Variants in PSMD11 observed in about 807,000 individuals in gnomAD.
The protein encoded by PSMD11 is proteasome 26S subunit, non-ATPase 11, also known as 26S proteasome non-ATPase regulatory subunit 11.
PSMD11 carries 5 observed loss-of-function variants against 62.3 expected under a neutral mutation model. That is an observed-to-expected ratio of 0.08 (90% CI 0.04 to 0.17). PSMD11 has a LOEUF of 0.17. Among genes scored for constraint, PSMD11 ranks in the 10% least tolerant of loss-of-function variants. The probability of loss-of-function intolerance (pLI) is 1.00; values close to 1 mark genes in which losing one functional copy is unlikely to be tolerated. For missense variants in PSMD11, 310 were observed against 512.9 expected (o/e 0.60, Z 3.82); for synonymous variants, 191 against 191.8 (o/e 1.00, Z 0.03).
chr17:32,474,042 A>G, intron 7 of PSMD11, 97 bp downstream of exon 7: 1 of 1,448,266 alleles, frequency 6.9e-7, no homozygotes, highest in Non-Finnish European at 9.5e-7. Context: ...TTGGCCAGTT[A>G]CAGAAACAGC....
In PSMD11 at chr17:32,450,075, C is replaced by G. The variant is rs560187851; in HGVS notation, c.193+3029C>G. On this transcript the variant is annotated intron_variant, in intron 2 of 13. Coordinates refer to ENST00000261712, the MANE Select transcript of PSMD11 (RefSeq NM_002815.4). ...TCTGTTGAGTTCTGTGAGGTCCTGC[C>G]TCAGGCTCCCAAGTGGCTGGAACTA... Among the ~76,000 whole-genome samples, 104 of 152,292 alleles carry G rather than the reference C, an allele frequency of 6.8e-4. 1 individual carries two copies. Among genetic ancestry groups the G allele is most frequent in the East Asian group, 2.7e-3 (14 of 5,192 alleles).
chr17:32,464,598 G>A lies in PSMD11; in HGVS notation c.448+20G>A, dbSNP rs1907940654. The A allele has an allele frequency of 6.3e-7, 1 of 1,579,046 alleles. No homozygotes were observed. Among genetic ancestry groups the A allele is most frequent in the Non-Finnish European group, 8.7e-7 (1 of 1,153,338 alleles). On this transcript the variant is annotated intron_variant, in intron 5 of 13. Transcript: ENST00000261712. Reference sequence around the variant, plus strand: ...ATTTGGGTAAGTAAGCTGGTAATAAGTCATCTCAGCTAGCTAAATGAATGT... The same window carrying A: ...ATTTGGGTAAGTAAGCTGGTAATAAATCATCTCAGCTAGCTAAATGAATGT...
Position 32,458,102 on chromosome 17 carries a change from G to T in PSMD11, c.318+3483G>T, listed in dbSNP as rs186887654. Among the ~76,000 whole-genome samples, 864 of 152,156 alleles carry T rather than the reference G, an allele frequency of 5.7e-3. 9 individuals are homozygous for T. Among genetic ancestry groups the T allele is most frequent in the African/African-American group, 0.019 (773 of 41,532 alleles). On this transcript the variant is annotated intron_variant, in intron 3 of 13. Coordinates refer to ENST00000261712, the MANE Select transcript of PSMD11 (RefSeq NM_002815.4). ...GCGTGAGCTACTGCGCCCAGCTGTG[G>T]TCTCTCTTTACAACTACCATCTAGT...
intron 2 of PSMD11, among the ~76,000 whole-genome samples, chr17:32,453,989 TGG>T (rs1907577117): frequency 6.6e-6 from 1 of 152,146 alleles, no homozygotes; most frequent in African/African-American, 2.4e-5. Flanking sequence ...AAGGCTAAAC[TGG>T]GGAGCACTGC....
In PSMD11 at chr17:32,482,496, A is replaced by G. The variant is rs982201586; in HGVS notation, c.*1744A>G. 1 of 152,112 alleles carries G rather than the reference A, an allele frequency of 6.6e-6. No individual in the cohort carries two copies. The highest frequency in any genetic ancestry group is 1.5e-5 in the Non-Finnish European group (1 of 68,092). The allele number at this position is 152,112 out of a possible 1,614,324, so 9.4% of individuals were successfully genotyped here. A position where few individuals can be genotyped will look rare whatever the true frequency, so the allele number is the denominator to read the frequency against. On this transcript the variant is annotated 3_prime_UTR_variant, in exon 14 of 14. Transcript: ENST00000261712. ...GCTGTTATCTCATTTGTGTAATGGG[A>G]GTCCTTAAGGTAAATTTGGGGTCCA...
intron 8 of PSMD11, chr17:32,476,538 T>A (rs576129829): frequency 5.1e-4 from 78 of 152,358 alleles, no homozygotes; most frequent in African/African-American, 1.7e-3. Context: ...TATATAAGCA[T>A]GTAGGCTGAT....
At chr17:32,479,791 C>G in intron 10 of PSMD11, 60 bp from the exon 11 acceptor site, 1 of 1,553,196 alleles carries the variant, frequency 6.4e-7, no homozygotes, top group Non-Finnish European at 8.9e-7. Context: ...TCCCTCCCTT[C>G]TCTTATTGGA....
rs1327608939 is a variant in PSMD11 at position 32,481,034 on chromosome 17, G to A, written c.*282G>A. ...AAAAAGGCTTACACTACCTAAAGCT[G>A]TGCTCTCTGCCTCCTGGGAGAGGGC... On this transcript the variant is annotated 3_prime_UTR_variant, in exon 14 of 14. Transcript: ENST00000261712. 6.4e-6 allele frequency: 1 copy of A among 155,696 alleles called. No individual in the cohort carries two copies. The highest frequency in any genetic ancestry group is 2.4e-5 in the African/African-American group (1 of 41,434). The allele number at this position is 155,696 out of a possible 1,614,324, so 9.6% of individuals were successfully genotyped here. A position where few individuals can be genotyped will look rare whatever the true frequency, so the allele number is the denominator to read the frequency against.
At chr17:32,451,153 T>C (rs562906401) in intron 2 of PSMD11, among the ~76,000 whole-genome samples, 1 of 150,050 alleles carries the variant, frequency 6.7e-6, no homozygotes, top group South Asian at 2.1e-4. Context: ...GAAAAAGACA[T>C]GTAGGGGGAC....
In PSMD11 at chr17:32,483,015, C is replaced by T. The variant is rs1908551270; in HGVS notation, c.*2263C>T. Reference sequence around the variant, plus strand: ...AGTAGAGGGGAGATGTTTTCTCAAACTTAGGGCAGTCCTGAGATGCTCAGG... The same window carrying T: ...AGTAGAGGGGAGATGTTTTCTCAAATTTAGGGCAGTCCTGAGATGCTCAGG... On this transcript the variant is annotated 3_prime_UTR_variant, in exon 14 of 14. Transcript: ENST00000261712. 6.6e-6 allele frequency: 1 copy of T among 152,206 alleles called. No homozygotes were observed. The highest frequency in any genetic ancestry group is 1.5e-5 in the Non-Finnish European group (1 of 68,034). The allele number at this position is 152,206 out of a possible 1,614,324, so 9.4% of individuals were successfully genotyped here.
chr17:32,469,623 T>G (rs1011967554), intron 6 of PSMD11, among the ~76,000 whole-genome samples: 1 of 152,152 alleles, frequency 6.6e-6, no homozygotes, highest in Admixed American at 6.5e-5. Context: ...GTGTGGTATG[T>G]AGTTTTCCGA....
chr17:32,468,825 G>C (rs1485212821), intron 5 of PSMD11, among the ~76,000 whole-genome samples, 174 bp from the exon 6 acceptor site: 3 of 151,990 alleles, frequency 2.0e-5, no homozygotes, highest in Non-Finnish European at 4.4e-5. Flanking sequence ...TTTTCTCTTG[G>C]AAGATAGCAC....
chr17:32,453,982 G>A (rs1466372824), intron 2 of PSMD11, among the ~76,000 whole-genome samples: 1 of 152,160 alleles, frequency 6.6e-6, no homozygotes, highest in Non-Finnish European at 1.5e-5. Flanking sequence ...ATGCAGAAAG[G>A]CTAAACTGGG....
At chr17:32,451,130 A>G (rs1389447075) in intron 2 of PSMD11, among the ~76,000 whole-genome samples, 1 of 151,600 alleles carries the variant, frequency 6.6e-6, no homozygotes, top group East Asian at 1.9e-4. Context: ...CAAAAAAAAA[A>G]AAAAAGAAAA....
chr17:32,475,369 T>C (rs556496965), intron 8 of PSMD11, among the ~76,000 whole-genome samples: 8 of 151,856 alleles, frequency 5.3e-5, no homozygotes, highest in African/African-American at 1.4e-4. Flanking sequence ...CAAGTAGGTA[T>C]GAGTGTGACT....
chr17:32,459,115 CATATATATAT>C lies in PSMD11; in HGVS notation c.318+4511_318+4520del, dbSNP rs10595066. Reference sequence around the variant, plus strand: ...AGAGTGTCTCAAAAAAAAAAAAATACATATATATATATATATATATATATGTATTTTTTTT... The same window carrying C: ...AGAGTGTCTCAAAAAAAAAAAAATACATATATATATATATGTATTTTTTTT... On this transcript the variant is annotated intron_variant, in intron 3 of 13. Transcript: ENST00000261712. Among the ~76,000 whole-genome samples the C allele has an allele frequency of 2.0e-4, 22 of 111,882 alleles. 1 individual carries two copies. Among genetic ancestry groups the C allele is most frequent in the South Asian group, 1.7e-3 (6 of 3,466 alleles). 73.4% of individuals were successfully genotyped at this position (111,882 alleles called of 152,430 possible).
chr17:32,464,611 G>T (rs1403165767), intron 5 of PSMD11, 33 bp downstream of exon 5: 1 of 1,537,942 alleles, frequency 6.5e-7, no homozygotes, highest in African/African-American at 1.4e-5. Flanking sequence ...ATCTCAGCTA[G>T]CTAAATGAAT....
At chr17:32,476,065 A>G (rs1908312061) in intron 8 of PSMD11, among the ~76,000 whole-genome samples, 1 of 151,904 alleles carries the variant, frequency 6.6e-6, no homozygotes, top group Non-Finnish European at 1.5e-5. Flanking sequence ...GCAGTTTGAG[A>G]GCAGCCTGGC....
chr17:32,459,555 A>C (rs1439245253), intron 3 of PSMD11, among the ~76,000 whole-genome samples: 1 of 152,038 alleles, frequency 6.6e-6, no homozygotes, highest in African/African-American at 2.4e-5. Flanking sequence ...ACTTTGTTGA[A>C]TTAAGATCTG....
Sources: gnomAD v4.1 joint callset for allele counts (sites outside exome capture counted in the v4.1 genomes callset) on GRCh38, gnomAD v4.1.1 for gene constraint, MANE v1.5 for transcripts, NCBI Gene and HGNC (gene_info 2026-07-23, HGNC 2026-07-21) for gene names.